The following CCDC141 variants were observed in gnomAD, a reference collection of about 807,000 sequenced individuals.
The protein encoded by CCDC141 is coiled-coil domain containing 141.
A neutral mutation model predicts 181.0 loss-of-function variants in CCDC141; 168 were observed. The ratio of observed to expected loss-of-function variants is 0.93; its 90% confidence interval spans 0.82 to 1.05. The LOEUF (loss-of-function observed/expected upper bound fraction) is 1.05, where lower values mean the gene tolerates loss of function less well. CCDC141 is among the 50% of genes least tolerant of loss of function. The pLI, the probability that CCDC141 is intolerant of heterozygous loss-of-function variation, is 0.00. For synonymous variants in CCDC141, 666 were observed against 642.3 expected, an observed-to-expected ratio of 1.04 and a Z score of -0.56; for missense variants, 1,902 against 1,788.5, an observed-to-expected ratio of 1.06 and a Z score of -1.14.
chr2:178,861,357 C>G (rs185942584), intron 17 of CCDC141, among the ~76,000 whole-genome samples: 1 of 151,902 alleles, frequency 6.6e-6, no homozygotes, highest in Non-Finnish European at 1.5e-5. Flanking sequence ...TTTGTAGGGC[C>G]GGGCACAGTG....
At chr2:178,990,308 T>C (rs1366812269) in intron 2 of CCDC141, among the ~76,000 whole-genome samples, 2 of 150,600 alleles carry the variant, frequency 1.3e-5, no homozygotes, top group African/African-American at 4.9e-5. Context: ...AGAATTACCA[T>C]ATGACCAAGA....
chr2:178,965,307 A>T (rs775371641), intron 4 of CCDC141, among the ~76,000 whole-genome samples: 4 of 152,212 alleles, frequency 2.6e-5, no homozygotes, highest in Non-Finnish European at 5.9e-5. Flanking sequence ...TAGGTTTAAG[A>T]TACAAAAAAC....
chr2:178,841,707 C>T (rs557475145), intron 22 of CCDC141, among the ~76,000 whole-genome samples: 13 of 152,166 alleles, frequency 8.5e-5, no homozygotes, highest in South Asian at 4.1e-4. Flanking sequence ...TGCAATGGCA[C>T]AATCTCGGCT....
intron 19 of CCDC141, among the ~76,000 whole-genome samples, chr2:178,854,299 C>A (rs191355086): frequency 1.3e-5 from 2 of 151,924 alleles, no homozygotes; most frequent in Non-Finnish European, 2.9e-5. Flanking sequence ...CCGAGGCAGG[C>A]GGATCACGAG....
chr2:178,863,867 G>C lies in CCDC141; in HGVS notation c.2724+1900C>G, dbSNP rs139777380. Among the ~76,000 whole-genome samples the C allele has an allele frequency of 7.4e-4, 112 of 152,304 alleles. 1 individual carries two copies. In the East Asian group the frequency reaches 0.021, roughly 28 times the overall value. ...GATACCTGATTCCTAAATCAAACCC[G>C]CATGTATCTGGCTGCTCATTCCTGA... On this transcript the variant is annotated intron_variant, in intron 17 of 23. Coordinates refer to ENST00000443758, the MANE Select transcript of CCDC141 (RefSeq NM_173648.4).
intron 7 of CCDC141, among the ~76,000 whole-genome samples, chr2:178,911,684 T>A (rs1688224953): frequency 6.6e-6 from 1 of 152,246 alleles, no homozygotes; most frequent in Non-Finnish European, 1.5e-5. Flanking sequence ...TGTAAATTGA[T>A]TTGTCACATG....
At chr2:178,974,275 A>G (rs1691024656) in intron 4 of CCDC141, among the ~76,000 whole-genome samples, 1 of 152,216 alleles carries the variant, frequency 6.6e-6, no homozygotes, top group Admixed American at 6.5e-5. Flanking sequence ...AACTGTGACA[A>G]ATGAATTCAA....
At chr2:178,989,735 G>A (rs1478622183) in intron 2 of CCDC141, among the ~76,000 whole-genome samples, 2 of 147,966 alleles carry the variant, frequency 1.4e-5, no homozygotes, top group Non-Finnish European at 3.0e-5. Flanking sequence ...GCAAACAAGT[G>A]CACACAAAGA....
intron 8 of CCDC141, among the ~76,000 whole-genome samples, chr2:178,897,500 A>G (rs184084184): frequency 6.6e-5 from 10 of 152,346 alleles, no homozygotes; most frequent in Admixed American, 3.9e-4. Context: ...ATCTACATTA[A>G]GAAGGCAGTA....
intron 6 of CCDC141, among the ~76,000 whole-genome samples, chr2:178,922,632 T>G (rs1688743221): frequency 6.6e-6 from 1 of 152,190 alleles, no homozygotes; most frequent in Admixed American, 6.5e-5. Context: ...CAGCCCAAAC[T>G]TAGACTTAGT....
At chr2:178,932,799 A>G (rs1192109724) in intron 6 of CCDC141, among the ~76,000 whole-genome samples, 3 of 152,224 alleles carry the variant, frequency 2.0e-5, no homozygotes, top group African/African-American at 7.2e-5. Context: ...ATAAAACAAT[A>G]AACATATTTT....
rs753631657 is a variant in CCDC141, at chr2:178,837,100, C to T, written c.4119G>A (p.Arg1373=). The T allele has an allele frequency of 1.9e-6, 3 of 1,613,862 alleles. No homozygotes were observed. The highest frequency in any genetic ancestry group is 2.7e-5 in the African/African-American group (2 of 74,926). The change falls in exon 23 of 24, where the codon AGG becomes AGA. Residue 1373 remains arginine, a synonymous_variant. Transcript: ENST00000443758. Reference sequence around the variant, plus strand: ...AGCCCCTGCTGGTGCCTGATTGAAACCTGAGGCCCGAGAATGCATCAGAGG... The same window carrying T: ...AGCCCCTGCTGGTGCCTGATTGAAATCTGAGGCCCGAGAATGCATCAGAGG... ...HASSDAFSGL[R]FQSGTSRGYQ... is the part of the protein sequence containing the mutation.
intron 6 of CCDC141, among the ~76,000 whole-genome samples, chr2:178,924,834 A>G (rs1021454648): frequency 9.2e-5 from 14 of 152,324 alleles, no homozygotes; most frequent in African/African-American, 3.4e-4. Flanking sequence ...TCCCAGACAT[A>G]TGGTAGAAAA....
At chr2:178,904,204 C>T (rs1417621577) in intron 8 of CCDC141, among the ~76,000 whole-genome samples, 4 of 152,140 alleles carry the variant, frequency 2.6e-5, no homozygotes, top group South Asian at 2.1e-4. Flanking sequence ...TAGTAAAAAA[C>T]GTAGTTATTC....
intron 5 of CCDC141, among the ~76,000 whole-genome samples, chr2:178,949,579 TA>T (rs761542727): frequency 1.1e-4 from 16 of 152,306 alleles, no homozygotes; most frequent in Admixed American, 3.3e-4. Flanking sequence ...TGAATGTTCT[TA>T]AAATAAAAAC....
At chr2:178,921,012 G>C (rs1044085163) in intron 6 of CCDC141, among the ~76,000 whole-genome samples, 1 of 152,088 alleles carries the variant, frequency 6.6e-6, no homozygotes, top group South Asian at 2.1e-4. Context: ...GCTACTCAAG[G>C]TTACGTATCC....
At chr2:178,978,154 C>G (rs866503490) in intron 3 of CCDC141, among the ~76,000 whole-genome samples, 3 of 152,126 alleles carry the variant, frequency 2.0e-5, no homozygotes, top group African/African-American at 2.4e-5. Flanking sequence ...ATCCTACCAT[C>G]AGGTAATTGT....
intron 21 of CCDC141, among the ~76,000 whole-genome samples, chr2:178,848,997 T>C (rs1429558640): frequency 1.3e-5 from 2 of 152,144 alleles, no homozygotes; most frequent in Non-Finnish European, 2.9e-5. Flanking sequence ...ATGTTCATTG[T>C]AGTGTTATTT....
At chr2:178,946,599 G>A (rs150815248) in intron 5 of CCDC141, among the ~76,000 whole-genome samples, 3 of 152,242 alleles carry the variant, frequency 2.0e-5, no homozygotes, top group Admixed American at 6.5e-5. Context: ...ACAAACAGGT[G>A]TTCTCTAATC....
Sources: gnomAD v4.1 joint callset for allele counts (sites outside exome capture counted in the v4.1 genomes callset) on GRCh38, gnomAD v4.1.1 for gene constraint, MANE v1.5 for transcripts, NCBI Gene and HGNC (gene_info 2026-07-23, HGNC 2026-07-21) for gene names.